Variants in HS6ST3 observed in about 807,000 individuals in gnomAD.
The protein encoded by HS6ST3 is heparan-sulfate 6-O-sulfotransferase 3.
A neutral mutation model predicts 36.7 loss-of-function variants in HS6ST3; 12 were observed. That is an observed-to-expected ratio of 0.33 (90% CI 0.21 to 0.53). The LOEUF (loss-of-function observed/expected upper bound fraction) is 0.53, where lower values mean the gene tolerates loss of function less well. HS6ST3 is among the 20% of genes least tolerant of loss of function. The pLI, the probability that HS6ST3 is intolerant of heterozygous loss-of-function variation, is 0.95. For synonymous variants in HS6ST3, 240 were observed against 257.5 expected (o/e 0.93, Z 0.65); for missense variants, 584 against 640.9 (o/e 0.91, Z 0.96).
At chr13:96,647,672 T>G (rs966168841) in intron 1 of HS6ST3, among the ~76,000 whole-genome samples, 1 of 152,066 alleles carries the variant, frequency 6.6e-6, no homozygotes, top group Non-Finnish European at 1.5e-5. Context: ...TTTGTAAAAA[T>G]TATTCTTACA....
At chr13:96,802,421 A>G (rs1237318253) in intron 1 of HS6ST3, among the ~76,000 whole-genome samples, 2 of 152,296 alleles carry the variant, frequency 1.3e-5, no homozygotes, top group East Asian at 3.9e-4. Flanking sequence ...TTCTCTTTTA[A>G]CAAAAACTCA....
At chr13:96,738,741 G>T (rs1876352767) in intron 1 of HS6ST3, among the ~76,000 whole-genome samples, 1 of 152,112 alleles carries the variant, frequency 6.6e-6, no homozygotes, top group South Asian at 2.1e-4. Flanking sequence ...TTTAAACCCA[G>T]TTACATTTTC....
intron 1 of HS6ST3, among the ~76,000 whole-genome samples, chr13:96,208,849 G>T (rs1347664281): frequency 6.6e-6 from 1 of 152,142 alleles, no homozygotes; most frequent in Non-Finnish European, 1.5e-5. Context: ...GGGAATAGTT[G>T]TTAATACTTC....
chr13:96,349,101 T>C (rs1460582450), intron 1 of HS6ST3, among the ~76,000 whole-genome samples: 1 of 152,198 alleles, frequency 6.6e-6, no homozygotes, highest in East Asian at 1.9e-4. Context: ...CAATGAAAGA[T>C]TTGATTTCAC....
At chr13:96,764,485 A>G (rs1219079208) in intron 1 of HS6ST3, among the ~76,000 whole-genome samples, 1 of 152,240 alleles carries the variant, frequency 6.6e-6, no homozygotes, top group Non-Finnish European at 1.5e-5. Flanking sequence ...ACTTGCTAAC[A>G]TAGCGATAAA....
intron 1 of HS6ST3, among the ~76,000 whole-genome samples, chr13:96,434,392 T>C (rs1414718074): frequency 6.6e-6 from 1 of 152,222 alleles, no homozygotes; most frequent in Non-Finnish European, 1.5e-5. Flanking sequence ...ATCACAGTGG[T>C]AACCCAATTC....
intron 1 of HS6ST3, among the ~76,000 whole-genome samples, chr13:96,739,239 G>T (rs1166565771): frequency 1.3e-5 from 2 of 149,826 alleles, no homozygotes; most frequent in Non-Finnish European, 1.5e-5. Context: ...GTGTGTGTGT[G>T]TGTGTGTGTG....
At chr13:96,552,784 G>A (rs1156728360) in intron 1 of HS6ST3, among the ~76,000 whole-genome samples, 2 of 152,166 alleles carry the variant, frequency 1.3e-5, no homozygotes, top group African/African-American at 4.8e-5. Context: ...TACTGGAGGA[G>A]GTATAAGGAT....
intron 1 of HS6ST3, among the ~76,000 whole-genome samples, chr13:96,257,496 G>T (rs559973996): frequency 6.6e-6 from 1 of 152,190 alleles, no homozygotes; most frequent in East Asian, 1.9e-4. Flanking sequence ...TTGAAACCTT[G>T]CTTTACCCAC....
At chr13:96,424,622 C>T (rs936301729) in intron 1 of HS6ST3, among the ~76,000 whole-genome samples, 6 of 152,078 alleles carry the variant, frequency 3.9e-5, no homozygotes, top group Admixed American at 6.5e-5. Flanking sequence ...CTTCCTGGTT[C>T]GTAGATGGTG....
chr13:96,263,997 C>A (rs1398882492), intron 1 of HS6ST3, among the ~76,000 whole-genome samples: 1 of 152,178 alleles, frequency 6.6e-6, no homozygotes, highest in Non-Finnish European at 1.5e-5. Flanking sequence ...CTCTCTGGCC[C>A]ACCTTCCAGG....
intron 1 of HS6ST3, among the ~76,000 whole-genome samples, chr13:96,126,845 A>C (rs182482567): frequency 4.6e-4 from 70 of 152,142 alleles, no homozygotes; most frequent in African/African-American, 1.6e-3. Flanking sequence ...CTGGGCCTCT[A>C]TGCCTTCAGT....
intron 1 of HS6ST3, among the ~76,000 whole-genome samples, chr13:96,274,486 A>G (rs1016202809): frequency 1.7e-4 from 26 of 152,100 alleles, no homozygotes; most frequent in African/African-American, 5.8e-4. Context: ...TGTGTCTATA[A>G]TGTGTGCAGA....
intron 1 of HS6ST3, among the ~76,000 whole-genome samples, chr13:96,234,473 T>C (rs1437605359): frequency 6.6e-6 from 1 of 152,058 alleles, no homozygotes; most frequent in African/African-American, 2.4e-5. Flanking sequence ...CAAGACTGGG[T>C]AATTTATAAA....
rs572272003 is a variant in HS6ST3, at chr13:96,262,422, T to C, written c.707+170853T>C. Among the ~76,000 whole-genome samples the C allele has an allele frequency of 2.0e-5, 3 of 152,314 alleles. No individual in the cohort carries two copies. In the East Asian group the frequency reaches 5.8e-4, roughly 29 times the overall value. On this transcript the variant is annotated intron_variant, in intron 1 of 1. Transcript: ENST00000376705. ...ATTTCTGTCTTCTGTGACGTATGTGTCTGAGGATAGCATGTGTCTTTTTGG... is the reference window on the plus strand; with the variant it reads ...ATTTCTGTCTTCTGTGACGTATGTGCCTGAGGATAGCATGTGTCTTTTTGG...
chr13:96,506,776 T>C (rs1405558640), intron 1 of HS6ST3, among the ~76,000 whole-genome samples: 1 of 152,168 alleles, frequency 6.6e-6, no homozygotes. Flanking sequence ...CCTGTAGCAG[T>C]GTGTAACTGA....
At chr13:96,510,501 A>G (rs1429477284) in intron 1 of HS6ST3, among the ~76,000 whole-genome samples, 2 of 151,998 alleles carry the variant, frequency 1.3e-5, no homozygotes, top group African/African-American at 4.8e-5. Flanking sequence ...CGATGATGTG[A>G]CCTGTCCTCA....
Position 96,199,085 on chromosome 13 carries a change from G to T in HS6ST3, c.707+107516G>T, listed in dbSNP as rs571924989. Among the ~76,000 whole-genome samples, 189 of 152,280 alleles carry T rather than the reference G, an allele frequency of 1.2e-3. 1 individual carries two copies. The highest frequency in any genetic ancestry group is 4.1e-3 in the African/African-American group (172 of 41,560). On this transcript the variant is annotated intron_variant, in intron 1 of 1. Coordinates refer to ENST00000376705, the MANE Select transcript of HS6ST3 (RefSeq NM_153456.4). ...ACCCCTGATAAACCCATCAGATCTCGTGAGACTTATTCACTGTCATGAGAA... is the reference window on the plus strand; with the variant it reads ...ACCCCTGATAAACCCATCAGATCTCTTGAGACTTATTCACTGTCATGAGAA...
intron 1 of HS6ST3, among the ~76,000 whole-genome samples, chr13:96,815,883 T>A (rs967280463): frequency 6.6e-6 from 1 of 152,168 alleles, no homozygotes; most frequent in Non-Finnish European, 1.5e-5. Flanking sequence ...CAATCCCCCA[T>A]GAGCCGCTAA....
Sources: allele counts gnomAD v4.1 joint callset (sites outside exome capture counted in the v4.1 genomes callset), GRCh38; gene constraint gnomAD v4.1.1; transcripts MANE v1.5; gene names NCBI Gene and HGNC (gene_info 2026-07-23, HGNC 2026-07-21).